The following KIF4A variants were observed in gnomAD, a reference collection of about 807,000 sequenced individuals.
KIF4A encodes kinesin family member 4A.
KIF4A carries 7 observed loss-of-function variants against 105.9 expected under a neutral mutation model. The ratio of observed to expected loss-of-function variants is 0.07; its 90% CI spans 0.04 to 0.12. The LOEUF is 0.12. KIF4A is among the 10% of genes least tolerant of loss of function. The pLI is 1.00. For synonymous variants in KIF4A, 281 were observed against 331.3 expected, an observed-to-expected ratio of 0.85 and a Z score of 1.65; for missense variants, 558 against 929.2, an observed-to-expected ratio of 0.60 and a Z score of 5.19.
chrX:70,347,867 C>T (rs1017441833), intron 13 of KIF4A, among the ~76,000 whole-genome samples: 30 of 91,711 alleles, frequency 3.3e-4, no homozygotes, highest in Non-Finnish European at 5.6e-4. Context: ...CCCAGCTACT[C>T]GGGAGGCTGA....
chrX:70,363,463 C>T (rs2086086100), intron 15 of KIF4A, among the ~76,000 whole-genome samples: 1 of 110,686 alleles, frequency 9.0e-6, no homozygotes, highest in Non-Finnish European at 1.9e-5. Context: ...TCTCATTGTT[C>T]AATTCCCACC....
At chrX:70,369,736 CATATAT>C (rs746184155) in intron 15 of KIF4A, among the ~76,000 whole-genome samples, 1 of 110,263 alleles carries the variant, frequency 9.1e-6, no homozygotes, top group Non-Finnish European at 1.9e-5. Flanking sequence ...TACAGAATAA[CATATAT>C]ATATATAAAA....
chrX:70,335,941 A>G (rs1012905879), intron 10 of KIF4A, among the ~76,000 whole-genome samples: 1 of 111,480 alleles, frequency 9.0e-6, no homozygotes, highest in Admixed American at 9.5e-5. Context: ...TCCCACCCTT[A>G]TTTCTACCTC....
intron 26 of KIF4A, 89 bp from the exon 27 acceptor site, chrX:70,406,170 A>C: frequency 1.3e-6 from 1 of 752,840 alleles, no homozygotes; most frequent in Non-Finnish European, 2.0e-6. Context: ...GTTTAACGTT[A>C]AGCTAGCCTA....
Position 70,395,786 on chromosome X carries a change from A to G in KIF4A, c.2348A>G (p.Glu783Gly), listed in dbSNP as rs778168357. 1.1e-5 allele frequency: 13 copies of G among 1,209,220 alleles called. No homozygotes were observed. The highest frequency in any genetic ancestry group is 1.8e-5 in the South Asian group (1 of 56,703). The change falls in exon 21 of 31, where the codon GAA becomes GGA. Residue 783 changes from glutamate (E) to glycine (G), a missense_variant. Physicochemically the swap from Glu to Gly is moderately conservative, Grantham distance 98. Coordinates refer to ENST00000374403, the MANE Select transcript of KIF4A (RefSeq NM_012310.5). The part of the protein sequence containing the change: ...ILAQDVAQLK[E>G]KKESGENPPP... The stretch of plus-strand genomic sequence containing the variant: ...GCTCAAGATGTGGCTCAACTCAAAG[A>G]AAAAAAGGAATCTGGGGAGAATCCA...
In KIF4A at chrX:70,391,868, G is replaced by A. The variant is rs192740729; in HGVS notation, c.2233-3803G>A. 6.9e-4 allele frequency among the ~76,000 whole-genome samples: 77 copies of A among 111,110 alleles called. 1 individual carries two copies. Among genetic ancestry groups the A allele is most frequent in the African/African-American group, 2.4e-3 (75 of 30,625 alleles). ...TCCCACTTAGAAGTGAGAACGTGTGGTATTTGATTTTCTGTTCCTGCATTA... is the reference window on the plus strand; with the variant it reads ...TCCCACTTAGAAGTGAGAACGTGTGATATTTGATTTTCTGTTCCTGCATTA... On this transcript the variant is annotated intron_variant, in intron 20 of 30. Coordinates refer to ENST00000374403, the MANE Select transcript of KIF4A (RefSeq NM_012310.5).
At chrX:70,290,882 C>A in intron 3 of KIF4A, 77 bp downstream of exon 3, 1 of 652,934 alleles carries the variant, frequency 1.5e-6, no homozygotes, top group Non-Finnish European at 2.4e-6. Context: ...TGTGCTTGGG[C>A]ACTGCAAATA....
Position 70,391,836 on chromosome X carries a change from G to A in KIF4A, c.2233-3835G>A. On this transcript the variant is annotated intron_variant, in intron 20 of 30. Coordinates refer to ENST00000374403, the MANE Select transcript of KIF4A (RefSeq NM_012310.5). The stretch of plus-strand genomic sequence containing the variant: ...TTCTTTCTGTCCATGTGTACTCAAT[G>A]TTTAGCTCCCACTTAGAAGTGAGAA... 2.7e-5 allele frequency among the ~76,000 whole-genome samples: 3 copies of A among 111,211 alleles called. No homozygotes were observed. The Middle Eastern group carries it at 0.014, about 515-fold the overall frequency.
At chrX:70,387,969 C>T (rs775146769) in intron 20 of KIF4A, among the ~76,000 whole-genome samples, 1 of 111,493 alleles carries the variant, frequency 9.0e-6, no homozygotes, top group South Asian at 3.8e-4. Flanking sequence ...ATTGCCTAAA[C>T]TTTCTTTGTA....
intron 10 of KIF4A, among the ~76,000 whole-genome samples, chrX:70,338,901 C>T (rs1401531703): frequency 9.1e-6 from 1 of 110,070 alleles, no homozygotes; most frequent in Non-Finnish European, 1.9e-5. Context: ...CTGCCTAACA[C>T]GGTGAAACCT....
At chrX:70,323,035 G>C (rs1210626574) in intron 7 of KIF4A, among the ~76,000 whole-genome samples, 2 of 110,013 alleles carry the variant, frequency 1.8e-5, no homozygotes, top group African/African-American at 6.6e-5. Context: ...TCCCTGGCTA[G>C]CTTTTCCTCT....
intron 5 of KIF4A, among the ~76,000 whole-genome samples, chrX:70,301,393 C>T (rs1248755991): frequency 9.0e-6 from 1 of 111,412 alleles, no homozygotes; most frequent in African/African-American, 3.3e-5. Flanking sequence ...ATAAGTTCTC[C>T]AAGGTAAATA....
At chrX:70,325,587 C>CT (rs1322298082) in intron 7 of KIF4A, among the ~76,000 whole-genome samples, 4 of 110,797 alleles carry the variant, frequency 3.6e-5, no homozygotes, top group African/African-American at 1.3e-4. Context: ...CATTATTATT[C>CT]TTTTTTTTAA....
At chrX:70,384,038 G>A (rs1195769646) in intron 18 of KIF4A, among the ~76,000 whole-genome samples, 1 of 111,944 alleles carries the variant, frequency 8.9e-6, no homozygotes, top group Admixed American at 9.6e-5. Context: ...TGAGTGAATT[G>A]TATGGTATGT....
chrX:70,306,154 A>G (rs2085826132), intron 7 of KIF4A, among the ~76,000 whole-genome samples: 1 of 112,260 alleles, frequency 8.9e-6, no homozygotes, highest in African/African-American at 3.2e-5. Context: ...TGAAAAGACT[A>G]TCCTTTCCCC....
At chrX:70,385,358 T>C (rs2086213801) in intron 18 of KIF4A, among the ~76,000 whole-genome samples, 1 of 112,112 alleles carries the variant, frequency 8.9e-6, no homozygotes, top group Non-Finnish European at 1.9e-5. Context: ...AGACCTCTCT[T>C]TCAAAAAGTC....
chrX:70,329,026 A>G (rs1469359475), intron 7 of KIF4A, among the ~76,000 whole-genome samples: 2 of 111,584 alleles, frequency 1.8e-5, no homozygotes, highest in Non-Finnish European at 3.8e-5. Flanking sequence ...GAATGATAAT[A>G]AAAATAATGA....
intron 13 of KIF4A, among the ~76,000 whole-genome samples, chrX:70,351,695 G>A (rs1309241140): frequency 8.9e-6 from 1 of 112,053 alleles, no homozygotes; most frequent in Non-Finnish European, 1.9e-5. Context: ...ACTTTTCTGG[G>A]AGTACCCATC....
intron 7 of KIF4A, among the ~76,000 whole-genome samples, chrX:70,315,463 T>C (rs1240575872): frequency 8.9e-6 from 1 of 112,190 alleles, no homozygotes; most frequent in Non-Finnish European, 1.9e-5. Context: ...CTAAAGTCTT[T>C]TTTAAGTGCA....
Sources: allele counts gnomAD v4.1 joint callset (sites outside exome capture counted in the v4.1 genomes callset), GRCh38; gene constraint gnomAD v4.1.1; transcripts MANE v1.5; gene names NCBI Gene and HGNC (gene_info 2026-07-23, HGNC 2026-07-21).